The following RARB variants were observed in gnomAD, a reference collection of about 807,000 sequenced individuals.
RARB encodes HBV-activated protein.
In RARB, 17 loss-of-function variants were observed where a neutral mutation model predicts 51.9. The observed-to-expected ratio is 0.33, with a 90% CI of 0.22 to 0.49. The LOEUF is 0.49. Ranked by LOEUF, RARB falls within the 20% of genes least tolerant of loss-of-function variation. RARB has a pLI of 0.99. For missense variants in RARB, 369 were observed against 550.8 expected (o/e 0.67, Z 3.30); for synonymous variants, 215 against 195.4 (o/e 1.10, Z -0.84).
chr3:25,345,498 C>G (rs561798032), intron 5 of RARB, among the ~76,000 whole-genome samples: 1 of 151,906 alleles, frequency 6.6e-6, no homozygotes, highest in Non-Finnish European at 1.5e-5. Context: ...AACTCTGTCT[C>G]TACTAAAAAT....
At chr3:24,967,378 G>A (rs964941907) in intron 2 of RARB, among the ~76,000 whole-genome samples, 9 of 151,968 alleles carry the variant, frequency 5.9e-5, no homozygotes, top group Non-Finnish European at 1.2e-4. Context: ...TTCCCTTAGC[G>A]TTGCATTTCT....
At chr3:25,151,482 G>A (rs77207333) in intron 4 of RARB, among the ~76,000 whole-genome samples, 28 of 152,262 alleles carry the variant, frequency 1.8e-4, no homozygotes, top group African/African-American at 2.4e-4. Flanking sequence ...CTTTAAGAGC[G>A]TCATTTCTTT....
At chr3:25,515,488 A>C (rs1419264807) in intron 3 of RARB, among the ~76,000 whole-genome samples, 1 of 152,218 alleles carries the variant, frequency 6.6e-6, no homozygotes, top group Non-Finnish European at 1.5e-5. Flanking sequence ...CAGCAGATTT[A>C]TTGATAATAG....
At chr3:25,557,090 G>C (rs1337576621) in intron 3 of RARB, among the ~76,000 whole-genome samples, 2 of 150,950 alleles carry the variant, frequency 1.3e-5, no homozygotes, top group African/African-American at 2.5e-5. Context: ...GAGTAAACTT[G>C]AAAGAAGTTC....
intron 3 of RARB, among the ~76,000 whole-genome samples, chr3:25,072,124 A>G (rs1443558054): frequency 6.6e-6 from 1 of 152,218 alleles, no homozygotes; most frequent in Non-Finnish European, 1.5e-5. Flanking sequence ...AGTGTGCCGA[A>G]TGTCCCTTAG....
At chr3:25,534,088 T>A (rs2125646866) in intron 3 of RARB, among the ~76,000 whole-genome samples, 1 of 152,374 alleles carries the variant, frequency 6.6e-6, no homozygotes, top group East Asian at 1.9e-4. Context: ...CAGCTCCAAC[T>A]TCCTAGAGAA....
intron 4 of RARB, among the ~76,000 whole-genome samples, chr3:25,167,468 AAAG>A (rs1198829016): frequency 2.6e-5 from 4 of 152,222 alleles, no homozygotes; most frequent in Non-Finnish European, 4.4e-5. Flanking sequence ...CTAGGTGTCT[AAAG>A]AAGAAGATGA....
intron 5 of RARB, among the ~76,000 whole-genome samples, chr3:25,289,202 G>T (rs186498493): frequency 6.6e-6 from 1 of 152,190 alleles, no homozygotes; most frequent in East Asian, 1.9e-4. Flanking sequence ...TCCTTAGAGT[G>T]TCTCACCCTG....
At chr3:25,201,441 G>A (rs1297730569) in intron 5 of RARB, among the ~76,000 whole-genome samples, 2 of 152,092 alleles carry the variant, frequency 1.3e-5, no homozygotes, top group Admixed American at 6.5e-5. Context: ...CTGCCTGATT[G>A]CCCTGGCCAG....
At chr3:25,397,095 A>G (rs868517364) in intron 5 of RARB, among the ~76,000 whole-genome samples, 2 of 152,050 alleles carry the variant, frequency 1.3e-5, no homozygotes, top group African/African-American at 2.4e-5. Context: ...AATTATTACA[A>G]ATTTCAGCTG....
chr3:25,143,437 G>C (rs1700140643), intron 4 of RARB, among the ~76,000 whole-genome samples: 1 of 152,180 alleles, frequency 6.6e-6, no homozygotes, highest in South Asian at 2.1e-4. Context: ...CTAGTGTTCA[G>C]ATGTGGATTG....
intron 3 of RARB, among the ~76,000 whole-genome samples, chr3:25,076,506 T>C (rs532087433): frequency 6.6e-6 from 1 of 152,214 alleles, no homozygotes; most frequent in African/African-American, 2.4e-5. Context: ...CCACCAAACT[T>C]ATTTTCCATG....
intron 2 of RARB, among the ~76,000 whole-genome samples, chr3:24,909,246 CT>C (rs1401856826): frequency 6.6e-6 from 1 of 152,208 alleles, no homozygotes; most frequent in Non-Finnish European, 1.5e-5. Flanking sequence ...CACTGAACCA[CT>C]AGGGCACTTA....
chr3:25,292,461 T>C (rs918762615), intron 5 of RARB, among the ~76,000 whole-genome samples: 3 of 152,190 alleles, frequency 2.0e-5, no homozygotes, highest in Admixed American at 6.6e-5. Flanking sequence ...ATGCCCCGTC[T>C]TCCTTTGAGG....
chr3:24,990,218 C>T (rs1166800510), intron 2 of RARB, among the ~76,000 whole-genome samples: 2 of 94,364 alleles, frequency 2.1e-5, no homozygotes, highest in African/African-American at 8.4e-5. Flanking sequence ...GGTACATGTG[C>T]ACAATGTGCA....
chr3:25,073,680 G>C (rs1212565260), intron 3 of RARB, among the ~76,000 whole-genome samples: 2 of 152,286 alleles, frequency 1.3e-5, no homozygotes, highest in East Asian at 3.9e-4. Context: ...AATAATGTGC[G>C]TGTAATTCCT....
At chr3:25,105,557 T>G (rs1415934067) in intron 3 of RARB, among the ~76,000 whole-genome samples, 1 of 152,196 alleles carries the variant, frequency 6.6e-6, no homozygotes, top group Non-Finnish European at 1.5e-5. Context: ...AATAATGGAT[T>G]CAGCTGTTTA....
intron 2 of RARB, among the ~76,000 whole-genome samples, chr3:25,004,202 T>C (rs922627042): frequency 1.3e-5 from 2 of 152,114 alleles, no homozygotes; most frequent in Non-Finnish European, 2.9e-5. Context: ...CCATATGTTA[T>C]TGTCCAGGTT....
At position 25,539,382 on chromosome 3, in the gene RARB, A is replaced by G. The variant is rs531169278; in HGVS notation, c.449-30376A>G. Among the ~76,000 whole-genome samples the G allele has an allele frequency of 1.6e-4, 24 of 152,158 alleles. No homozygotes were observed. The South Asian group carries it at 4.2e-3, about 26-fold the overall frequency. On this transcript the variant is annotated intron_variant, in intron 3 of 7. Transcript: ENST00000330688. Reference sequence around the variant, plus strand: ...CTCAAGGTACTGAGAATAATTCTCAATATTTGGTCATAGGCATTGTGTCCC... The same window carrying G: ...CTCAAGGTACTGAGAATAATTCTCAGTATTTGGTCATAGGCATTGTGTCCC...
Sources: gnomAD v4.1 joint callset for allele counts (sites outside exome capture counted in the v4.1 genomes callset) on GRCh38, gnomAD v4.1.1 for gene constraint, MANE v1.5 for transcripts, NCBI Gene and HGNC (gene_info 2026-07-23, HGNC 2026-07-21) for gene names.